The following IL1RAPL1 variants were observed in gnomAD, a reference collection of about 807,000 sequenced individuals.
IL1RAPL1 encodes the protein interleukin 1 receptor accessory protein like 1, also known as interleukin-1 receptor accessory protein-like 1.
Under a neutral mutation model 48.4 loss-of-function variants are expected in IL1RAPL1, and 3 were observed. The ratio of observed to expected loss-of-function variants is 0.06; its 90% CI spans 0.03 to 0.16. The LOEUF is 0.16. Among genes scored for constraint, IL1RAPL1 ranks in the 10% least tolerant of loss-of-function variants. IL1RAPL1 has a pLI of 1.00. For missense variants in IL1RAPL1, 349 were observed against 530.6 expected (o/e 0.66, Z 3.36); for synonymous variants, 185 against 187.7 (o/e 0.99, Z 0.12).
Position 29,106,158 on chromosome X carries a change from T to C in IL1RAPL1, c.83-176780T>C, listed in dbSNP as rs758063434. Among the ~76,000 whole-genome samples the C allele has an allele frequency of 8.0e-5, 9 of 112,041 alleles. No individual in the cohort carries two copies. The East Asian group carries it at 2.0e-3, about 24-fold the overall frequency. ...AGCATAGAATATGTGCGAGAACTTT[T>C]GTGAAAGATAGGATTTATAGAGATC... On this transcript the variant is annotated intron_variant, in intron 2 of 10. Coordinates refer to ENST00000378993, the MANE Select transcript of IL1RAPL1 (RefSeq NM_014271.4).
intron 5 of IL1RAPL1, among the ~76,000 whole-genome samples, chrX:29,408,096 A>AT (rs1402089565): frequency 9.0e-6 from 1 of 111,622 alleles, no homozygotes; most frequent in Non-Finnish European, 1.9e-5. Context: ...TATGGGGAAA[A>AT]CGTCATATCC....
intron 2 of IL1RAPL1, among the ~76,000 whole-genome samples, chrX:29,079,180 T>C (rs992638259): frequency 1.8e-5 from 2 of 111,311 alleles, no homozygotes; most frequent in African/African-American, 6.5e-5. Context: ...GGGCCTATTA[T>C]GGGGGGCATA....
chrX:29,659,848 C>G (rs1925788886), intron 5 of IL1RAPL1, among the ~76,000 whole-genome samples: 1 of 111,691 alleles, frequency 9.0e-6, no homozygotes, highest in South Asian at 3.7e-4. Context: ...ATTCTACTTA[C>G]TAATCCCGTG....
intron 5 of IL1RAPL1, among the ~76,000 whole-genome samples, chrX:29,578,778 T>C (rs1181741556): frequency 1.8e-5 from 2 of 112,096 alleles, no homozygotes; most frequent in Non-Finnish European, 3.8e-5. Flanking sequence ...AGTGATATGC[T>C]AACATAAATG....
intron 2 of IL1RAPL1, among the ~76,000 whole-genome samples, chrX:28,952,966 G>T (rs1443969101): frequency 9.0e-6 from 1 of 111,435 alleles, no homozygotes; most frequent in Non-Finnish European, 1.9e-5. Flanking sequence ...ATTAATGAAA[G>T]TCCATTGTTA....
rs763494340 is a variant in IL1RAPL1 at position 29,551,218 on chromosome X, T to C, written c.704-117212T>C. On this transcript the variant is annotated intron_variant, in intron 5 of 10. Transcript: ENST00000378993. The stretch of plus-strand genomic sequence containing the variant: ...TTTTGTTCACCCATTCATCCATAAA[T>C]GAGCCCTTGGGTTGTTTCCATGTCT... Among the ~76,000 whole-genome samples, 3 of 112,392 alleles carry C rather than the reference T, an allele frequency of 2.7e-5. No individual in the cohort carries two copies. In the East Asian group the frequency reaches 8.3e-4, roughly 31 times the overall value.
At chrX:29,916,850 ATC>A (rs1395162392) in intron 6 of IL1RAPL1, among the ~76,000 whole-genome samples, 1 of 112,467 alleles carries the variant, frequency 8.9e-6, no homozygotes, top group Non-Finnish European at 1.9e-5. Context: ...AACTGATTTT[ATC>A]TGTGATGAAA....
intron 1 of IL1RAPL1, among the ~76,000 whole-genome samples, chrX:28,618,082 G>T (rs1449014364): frequency 8.9e-6 from 1 of 111,911 alleles, no homozygotes; most frequent in Non-Finnish European, 1.9e-5. Context: ...TGACAATATT[G>T]AGAGAATAGA....
intron 5 of IL1RAPL1, among the ~76,000 whole-genome samples, chrX:29,494,504 C>T (rs1207988286): frequency 9.0e-6 from 1 of 111,325 alleles, no homozygotes; most frequent in Non-Finnish European, 1.9e-5. Flanking sequence ...TATATAGTTG[C>T]CTTTTGTGAG....
intron 8 of IL1RAPL1, among the ~76,000 whole-genome samples, chrX:29,921,496 G>A (rs1054859159): frequency 3.2e-4 from 36 of 111,996 alleles, no homozygotes; most frequent in African/African-American, 1.2e-3. Context: ...GTGAGTCAAG[G>A]AGAAAGGTAT....
chrX:29,280,230 G>A (rs1602149111), intron 2 of IL1RAPL1, among the ~76,000 whole-genome samples: 1 of 111,926 alleles, frequency 8.9e-6, no homozygotes. Context: ...ACATCTCTGT[G>A]TAGTTTTTTC....
chrX:29,947,576 C>A (rs778509792), intron 9 of IL1RAPL1, among the ~76,000 whole-genome samples: 2 of 111,393 alleles, frequency 1.8e-5, no homozygotes, highest in Non-Finnish European at 3.8e-5. Context: ...CCATTTCAGG[C>A]ATATTAAGCA....
chrX:29,546,264 C>G (rs1028742365), intron 5 of IL1RAPL1, among the ~76,000 whole-genome samples: 11 of 111,151 alleles, frequency 9.9e-5, no homozygotes, highest in Non-Finnish European at 1.9e-4. Flanking sequence ...TTTTTAGAAC[C>G]CTTAGGAAGA....
chrX:29,716,792 A>G (rs1380527383), intron 6 of IL1RAPL1, among the ~76,000 whole-genome samples: 1 of 111,797 alleles, frequency 8.9e-6, no homozygotes, highest in East Asian at 2.8e-4. Flanking sequence ...CTTAAAAATG[A>G]ATGTGAGTTA....
intron 6 of IL1RAPL1, among the ~76,000 whole-genome samples, chrX:29,705,769 T>C (rs1927177077): frequency 8.9e-6 from 1 of 112,207 alleles, no homozygotes; most frequent in Non-Finnish European, 1.9e-5. Context: ...TAGTACTTGA[T>C]ACCTATGTGG....
At chrX:29,170,511 A>G (rs949562754) in intron 2 of IL1RAPL1, among the ~76,000 whole-genome samples, 1 of 111,914 alleles carries the variant, frequency 8.9e-6, no homozygotes, top group African/African-American at 3.2e-5. Context: ...GAAATTCAAT[A>G]TAACTATGAT....
At chrX:29,596,678 C>A (rs897595336) in intron 5 of IL1RAPL1, among the ~76,000 whole-genome samples, 3 of 111,915 alleles carry the variant, frequency 2.7e-5, no homozygotes, top group Admixed American at 9.5e-5. Context: ...CATCAGCAAG[C>A]AGTGACAGTT....
chrX:29,251,584 G>C (rs921591389), intron 2 of IL1RAPL1, among the ~76,000 whole-genome samples: 1 of 111,171 alleles, frequency 9.0e-6, no homozygotes, highest in African/African-American at 3.3e-5. Flanking sequence ...ATCTCTTTTT[G>C]ATAGGCTGGC....
intron 3 of IL1RAPL1, among the ~76,000 whole-genome samples, chrX:29,357,368 T>C (rs1394070888): frequency 8.9e-6 from 1 of 112,230 alleles, no homozygotes; most frequent in East Asian, 2.8e-4. Context: ...CTATAAGTTA[T>C]ACTAGTGGGA....
Sources: gnomAD v4.1 joint callset for allele counts (sites outside exome capture counted in the v4.1 genomes callset) on GRCh38, gnomAD v4.1.1 for gene constraint, MANE v1.5 for transcripts, NCBI Gene and HGNC (gene_info 2026-07-23, HGNC 2026-07-21) for gene names.